The following NCOA4 variants were observed in gnomAD, a reference collection of about 807,000 sequenced individuals.
The protein encoded by NCOA4 is nuclear receptor coactivator 4.
Under a neutral mutation model 69.5 loss-of-function variants are expected in NCOA4, and 31 were observed. That is an observed-to-expected ratio of 0.45 (90% CI 0.34 to 0.60). NCOA4 has a LOEUF of 0.60. NCOA4 is among the 20% of genes least tolerant of loss of function. NCOA4 has a pLI of 0.02. For missense variants in NCOA4, 600 were observed against 719.2 expected (o/e 0.83, Z 1.90); for synonymous variants, 228 against 252.4 (o/e 0.90, Z 0.92).
intron 1 of NCOA4, chr10:46,027,472 C>T (rs1554925737): frequency 1.3e-6 from 2 of 1,551,524 alleles, no homozygotes. Flanking sequence ...CCATTCCAGC[C>T]TAGACCTCCA....
chr10:46,013,702 A>C, intron 5 of NCOA4, 63 bp from the exon 6 acceptor site: 1 of 1,187,786 alleles, frequency 8.4e-7, no homozygotes. Flanking sequence ...GTGAAATTAT[A>C]ATTCCAAATT....
Position 46,011,132 on chromosome 10 carries a change from C to G in NCOA4, c.789G>C (p.Lys263Asn), listed in dbSNP as rs782007167. ...NLKGLENWLL[K>N]SEKSSYQKCN... Reference sequence around the variant, plus strand: ...ACTTTTGATAACTTGATTTTTCACTCTTGAGGAGCCAGTTTTCTAAGCCCT... The same window carrying G: ...ACTTTTGATAACTTGATTTTTCACTGTTGAGGAGCCAGTTTTCTAAGCCCT... The change falls in exon 8 of 10, where the codon AAG (lysine) becomes AAC (asparagine). Residue 263 changes from lysine to asparagine, a missense_variant. Coordinates refer to ENST00000581486, the MANE Select transcript of NCOA4 (RefSeq NM_001145263.2). 2 of 1,613,142 alleles carry G rather than the reference C, an allele frequency of 1.2e-6. No individual in the cohort carries two copies. The highest frequency in any genetic ancestry group is 3.3e-5 in the Admixed American group (2 of 59,812).
chr10:46,022,654 A>T (rs1374615156), intron 1 of NCOA4: 2 of 316,756 alleles, frequency 6.3e-6, no homozygotes, highest in Non-Finnish European at 6.5e-6. Flanking sequence ...TTTAGTAGAG[A>T]CGGGGTTTCA....
chr10:46,012,906 T>C lies in NCOA4; in HGVS notation c.691A>G (p.Lys231Glu), dbSNP rs1839320452. The C allele has an allele frequency of 6.2e-7, 1 of 1,613,950 alleles. No individual in the cohort carries two copies. Among genetic ancestry groups the C allele is most frequent in the Non-Finnish European group, 8.5e-7 (1 of 1,179,974 alleles). Reference sequence around the variant, plus strand: ...ACCTGACTGTTCTCCAAGGTCTGCTTTTGGGTAAGCCAGTCCTGGGGGTCG... The same window carrying C: ...ACCTGACTGTTCTCCAAGGTCTGCTCTTGGGTAAGCCAGTCCTGGGGGTCG... ...STDPQDWLTQ[K>E]QTLENSQTSS... is the part of the protein sequence containing the mutation. Residue 231 changes from lysine (K) to glutamate (E), a missense_variant, in exon 7 of 10, where the codon AAG becomes GAG. Transcript: ENST00000581486.
chr10:46,012,666 G>A (rs181210903), intron 7 of NCOA4, among the ~76,000 whole-genome samples: 1 of 151,840 alleles, frequency 6.6e-6, no homozygotes, highest in Admixed American at 6.6e-5. Context: ...TGAGATTATG[G>A]GTTTGTGGGC....
At chr10:46,023,307 G>A (rs754207773) in intron 1 of NCOA4, 3 of 985,392 alleles carry the variant, frequency 3.0e-6, no homozygotes, top group African/African-American at 1.7e-5. Flanking sequence ...CTCCCGCTAC[G>A]GCCCCTGGGC....
intron 3 of NCOA4, 35 bp from the exon 4 acceptor site, chr10:46,014,977 C>T (rs782042745): frequency 6.3e-7 from 1 of 1,594,282 alleles, no homozygotes. Flanking sequence ...GCCACAATGA[C>T]ACCAAAAGCA....
chr10:46,013,341 A>C, intron 6 of NCOA4, among the ~76,000 whole-genome samples: 1 of 152,320 alleles, frequency 6.6e-6, no homozygotes, highest in East Asian at 1.9e-4. Context: ...GAACTGATTG[A>C]TAATTACTTT....
At chr10:46,029,791 C>T (rs1840358875) in intron 1 of NCOA4, among the ~76,000 whole-genome samples, 1 of 152,158 alleles carries the variant, frequency 6.6e-6, no homozygotes, top group Admixed American at 6.5e-5. Context: ...TTGTTTTCCC[C>T]ACAACAAGAA....
At chr10:46,015,035 C>T in intron 3 of NCOA4, 91 bp downstream of exon 3, 1 of 1,594,138 alleles carries the variant, frequency 6.3e-7, no homozygotes, top group East Asian at 2.2e-5. Flanking sequence ...AAACTTCTAT[C>T]TGATCTATAT....
chr10:46,027,268 C>CAA lies in NCOA4; in HGVS notation c.-15+3256_-15+3257dup, dbSNP rs34282889. Among the ~76,000 whole-genome samples the CAA allele has an allele frequency of 4.0e-3, 321 of 79,340 alleles. 7 individuals are homozygous for CAA. Among genetic ancestry groups the CAA allele is most frequent in the Middle Eastern group, 0.015 (2 of 136 alleles). 52.1% of individuals were successfully genotyped at this position (79,340 alleles called of 152,430 possible). On this transcript the variant is annotated intron_variant, in intron 1 of 9. Transcript: ENST00000581486. ...CTCCTGACAGAGCAAGACTCCGTCTCAAAAAAAAAAAAAAAAAAAAGAATG... is the reference window on the plus strand; with the variant it reads ...CTCCTGACAGAGCAAGACTCCGTCTCAAAAAAAAAAAAAAAAAAAAAAGAATG...
chr10:46,006,461 T>A lies in NCOA4; in HGVS notation c.*131A>T. 1.9e-6 allele frequency: 2 copies of A among 1,046,650 alleles called. No homozygotes were observed. Among genetic ancestry groups the A allele is most frequent in the Non-Finnish European group, 3.0e-6 (2 of 670,108 alleles). The allele number at this position is 1,046,650 out of a possible 1,614,324, so 64.8% of individuals were successfully genotyped here. A position where few individuals can be genotyped will look rare whatever the true frequency, so the allele number is the denominator to read the frequency against. On this transcript the variant is annotated 3_prime_UTR_variant, in exon 10 of 10. Transcript: ENST00000581486. ...TGATGACTCACTTTGCTTTACTAGT[T>A]CAAAATTAGGCAGGAGAAGAACTAA...
At chr10:46,015,353 T>TTTG in intron 2 of NCOA4, 87 bp from the exon 3 acceptor site, 1 of 274,892 alleles carries the variant, frequency 3.6e-6, no homozygotes, top group Non-Finnish European at 6.0e-6. Flanking sequence ...AAACTTTTTT[T>TTTG]GGGGGGGTGG....
At position 46,011,189 on chromosome 10, in the gene NCOA4, G is replaced by C. The variant is rs1215947688; in HGVS notation, c.732C>G (p.Cys244Trp). ...LENSQTSSRACNFFNNVGGNL... is the reference protein window; with the variant it reads ...LENSQTSSRAWNFFNNVGGNL... ...TTCCCCCGACATTATTGAAGAAATT[G>C]CAGGCTCTGGAAGAAGTCTACACAA... Residue 244 changes from cysteine (C) to tryptophan (W), a missense_variant, in exon 8 of 10, where the codon TGC becomes TGG. Physicochemically the swap from Cys to Trp is radical, Grantham distance 215. Coordinates refer to ENST00000581486, the MANE Select transcript of NCOA4 (RefSeq NM_001145263.2). The C allele has an allele frequency of 1.3e-6, 2 of 1,592,864 alleles. No individual in the cohort carries two copies. Among genetic ancestry groups the C allele is most frequent in the East Asian group, 2.2e-5 (1 of 44,846 alleles).
intron 1 of NCOA4, among the ~76,000 whole-genome samples, chr10:46,026,502 AAT>A (rs1161293820): frequency 1.3e-5 from 2 of 152,194 alleles, no homozygotes; most frequent in African/African-American, 2.4e-5. Context: ...TTCTTGCCAT[AAT>A]AGAGTCAAGG....
chr10:46,022,342 A>AT, intron 1 of NCOA4: 1 of 437,184 alleles, frequency 2.3e-6, no homozygotes. Flanking sequence ...GACAACCTGC[A>AT]TTAGACCGTC....
rs1357778795 is a variant in NCOA4, at chr10:46,011,212, C to G, written c.715-6G>C. ...TTGCAGGCTCTGGAAGAAGTCTACACAAAAAGTACACAGTATTAGTTTGCC... is the reference window on the plus strand; with the variant it reads ...TTGCAGGCTCTGGAAGAAGTCTACAGAAAAAGTACACAGTATTAGTTTGCC... On this transcript the variant is annotated splice_polypyrimidine_tract_variant and splice_region_variant and intron_variant, in intron 7 of 9. Transcript: ENST00000581486. 1 of 1,573,340 alleles carries G rather than the reference C, an allele frequency of 6.4e-7. No homozygotes were observed. Among genetic ancestry groups the G allele is most frequent in the Non-Finnish European group, 8.6e-7 (1 of 1,165,706 alleles).
intron 9 of NCOA4, among the ~76,000 whole-genome samples, chr10:46,007,647 C>A (rs1351464568): frequency 7.0e-6 from 1 of 142,446 alleles, no homozygotes; most frequent in Admixed American, 7.4e-5. Context: ...GGCAAGACCG[C>A]AGCAGAGCTA....
At chr10:46,012,105 G>GAAAAAAAA (rs1839267522) in intron 7 of NCOA4, among the ~76,000 whole-genome samples, 18 of 50,018 alleles carry the variant, frequency 3.6e-4, no homozygotes, top group East Asian at 5.9e-4. Context: ...AAAAAAAAAC[G>GAAAAAAAA]AAAAAAGAAA....
Sources: allele counts gnomAD v4.1 joint callset (sites outside exome capture counted in the v4.1 genomes callset), GRCh38; gene constraint gnomAD v4.1.1; transcripts MANE v1.5; gene names NCBI Gene and HGNC (gene_info 2026-07-23, HGNC 2026-07-21).